The following STK4 variants were observed in gnomAD, a reference collection of about 807,000 sequenced individuals.
The protein encoded by STK4 is serine/threonine-protein kinase 4.
In STK4, 30 loss-of-function variants were observed where a neutral mutation model predicts 64.9. The ratio of observed to expected loss-of-function variants is 0.46; its 90% CI spans 0.35 to 0.63. STK4 has a LOEUF of 0.63. Among genes scored for constraint, STK4 ranks in the 20% least tolerant of loss-of-function variants. The pLI, the probability that STK4 is intolerant of heterozygous loss-of-function variation, is 0.01. For synonymous variants in STK4, 177 were observed against 199.0 expected, an observed-to-expected ratio of 0.89 and a Z score of 0.93; for missense variants, 466 against 598.5, an observed-to-expected ratio of 0.78 and a Z score of 2.31.
chr20:45,022,068 T>G (rs2068257668), intron 9 of STK4, among the ~76,000 whole-genome samples: 1 of 151,828 alleles, frequency 6.6e-6, no homozygotes, highest in Admixed American at 6.6e-5. Flanking sequence ...TTTTTTTTTA[T>G]TGTGGTAAAA....
At chr20:45,014,223 G>A (rs550695073) in intron 9 of STK4, among the ~76,000 whole-genome samples, 2 of 152,052 alleles carry the variant, frequency 1.3e-5, no homozygotes, top group East Asian at 3.9e-4. Flanking sequence ...TCAGGAGTTC[G>A]AGACCAGCCT....
At chr20:45,047,778 G>A (rs2068719113) in intron 10 of STK4, among the ~76,000 whole-genome samples, 1 of 152,150 alleles carries the variant, frequency 6.6e-6, no homozygotes, top group South Asian at 2.1e-4. Flanking sequence ...TAATATGTGG[G>A]TTCCTTTTAG....
chr20:45,043,522 A>T (rs1295767340), intron 10 of STK4, among the ~76,000 whole-genome samples: 3 of 152,166 alleles, frequency 2.0e-5, no homozygotes, highest in African/African-American at 7.2e-5. Context: ...ATGAAGTAAT[A>T]CTAGAACCCA....
At chr20:44,986,201 G>A (rs2067527723) in intron 4 of STK4, among the ~76,000 whole-genome samples, 1 of 152,188 alleles carries the variant, frequency 6.6e-6, no homozygotes, top group African/African-American at 2.4e-5. Context: ...TCAGATGGTA[G>A]TATACTGCAG....
intron 10 of STK4, among the ~76,000 whole-genome samples, chr20:45,054,843 G>T (rs1399431643): frequency 2.0e-5 from 3 of 152,052 alleles, no homozygotes; most frequent in Non-Finnish European, 4.4e-5. Flanking sequence ...TTTTATTATT[G>T]CTATTGTTAC....
chr20:44,991,036 A>G (rs2067623390), intron 5 of STK4, among the ~76,000 whole-genome samples: 1 of 152,034 alleles, frequency 6.6e-6, no homozygotes, highest in Non-Finnish European at 1.5e-5. Context: ...GGCTGTAGTT[A>G]TTTTCCCCTT....
At chr20:44,998,842 AG>A (rs2067782798) in intron 7 of STK4, among the ~76,000 whole-genome samples, 1 of 152,138 alleles carries the variant, frequency 6.6e-6, no homozygotes, top group South Asian at 2.1e-4. Flanking sequence ...AGGCTGAGGC[AG>A]GCGGATCACT....
intron 9 of STK4, among the ~76,000 whole-genome samples, chr20:45,022,940 G>T (rs143903731): frequency 6.6e-6 from 1 of 152,206 alleles, no homozygotes. Flanking sequence ...AGGTTGGTGC[G>T]TGATATATGC....
intron 10 of STK4, among the ~76,000 whole-genome samples, chr20:45,050,199 G>C (rs1406769115): frequency 6.6e-6 from 1 of 152,170 alleles, no homozygotes; most frequent in African/African-American, 2.4e-5. Context: ...TGGGAAAGGG[G>C]GAGCCAGTTT....
intron 1 of STK4, among the ~76,000 whole-genome samples, chr20:44,969,225 C>T (rs763454000): frequency 1.8e-4 from 28 of 152,164 alleles, no homozygotes; most frequent in Admixed American, 3.3e-4. Flanking sequence ...GCTGGGGACA[C>T]AGTTTTATTA....
At chr20:44,984,098 GT>G (rs35985832) in intron 4 of STK4, among the ~76,000 whole-genome samples, 7 of 143,370 alleles carry the variant, frequency 4.9e-5, no homozygotes, top group African/African-American at 1.6e-4. Context: ...GGCACTTTTG[GT>G]TTTTTTTTGC....
chr20:45,054,334 C>T (rs537214681), intron 10 of STK4, among the ~76,000 whole-genome samples: 18 of 152,066 alleles, frequency 1.2e-4, no homozygotes, highest in African/African-American at 3.6e-4. Flanking sequence ...GAGGCCAAAG[C>T]GGGAGGATCC....
At chr20:45,012,328 C>T (rs957684181) in intron 9 of STK4, among the ~76,000 whole-genome samples, 1 of 152,118 alleles carries the variant, frequency 6.6e-6, no homozygotes, top group African/African-American at 2.4e-5. Context: ...GCCACTGCAC[C>T]CGGCCTCTCC....
intron 9 of STK4, among the ~76,000 whole-genome samples, chr20:45,009,022 A>G (rs1462262074): frequency 2.0e-5 from 3 of 152,084 alleles, no homozygotes; most frequent in African/African-American, 7.2e-5. Context: ...GCTGTTGTGC[A>G]GAAGCTCTTT....
At chr20:45,056,975 T>G (rs919588778) in intron 10 of STK4, among the ~76,000 whole-genome samples, 1 of 152,216 alleles carries the variant, frequency 6.6e-6, no homozygotes, top group Admixed American at 6.5e-5. Flanking sequence ...GTTTACCTTC[T>G]GGAGTGCTGG....
intron 5 of STK4, among the ~76,000 whole-genome samples, chr20:44,989,981 G>A (rs1490453366): frequency 3.3e-5 from 5 of 152,154 alleles, no homozygotes; most frequent in Non-Finnish European, 2.9e-5. Context: ...AAGTGTGAGT[G>A]TTCCAACTTT....
Position 45,025,049 on chromosome 20 carries a change from C to T in STK4, c.1224C>T (p.Ile408=). The T allele has an allele frequency of 6.2e-7, 1 of 1,613,310 alleles. No individual in the cohort carries two copies. The highest frequency in any genetic ancestry group is 8.5e-7 in the Non-Finnish European group (1 of 1,179,624). Reference sequence around the variant, plus strand: ...AACAAAAAGAAAAGGAAAACCAGATCAACAGCTTTGGCAAGAGTGTACCTG... The same window carrying T: ...AACAAAAAGAAAAGGAAAACCAGATTAACAGCTTTGGCAAGAGTGTACCTG... The part of the protein sequence containing the change: ...YFEQKEKENQ[I]NSFGKSVPGP... Residue 408 remains isoleucine, a synonymous_variant, in exon 10 of 11, where the codon ATC becomes ATT. Transcript: ENST00000372806.
At chr20:45,062,838 C>T (rs1364829657) in intron 10 of STK4, among the ~76,000 whole-genome samples, 12 of 143,988 alleles carry the variant, frequency 8.3e-5, no homozygotes, top group South Asian at 2.2e-4. Flanking sequence ...CCACCACGCC[C>T]GGCTATTTTT....
At chr20:45,073,985 G>A (rs997747506) in intron 10 of STK4, among the ~76,000 whole-genome samples, 10 of 152,198 alleles carry the variant, frequency 6.6e-5, no homozygotes, top group Admixed American at 4.6e-4. Flanking sequence ...AGAGTCTCAT[G>A]GCATCTGCAA....
Sources: allele counts gnomAD v4.1 joint callset (sites outside exome capture counted in the v4.1 genomes callset), GRCh38; gene constraint gnomAD v4.1.1; transcripts MANE v1.5; gene names NCBI Gene and HGNC (gene_info 2026-07-23, HGNC 2026-07-21).